LRP1B: variants seen among roughly 807,000 people sequenced by gnomAD.
The protein encoded by LRP1B is low-density lipoprotein receptor-related protein 1B.
A neutral mutation model predicts 556.6 loss-of-function variants in LRP1B; 217 were observed. The observed-to-expected ratio is 0.39, with a 90% confidence interval of 0.35 to 0.44. The LOEUF (loss-of-function observed/expected upper bound fraction) is 0.44, where lower values mean the gene tolerates loss of function less well. Ranked by LOEUF, LRP1B falls within the 20% of genes least tolerant of loss-of-function variation. The pLI, the probability that LRP1B is intolerant of heterozygous loss-of-function variation, is 1.00. For synonymous variants in LRP1B, 2,047 were observed against 1,865.8 expected, an observed-to-expected ratio of 1.10 and a Z score of -2.50; for missense variants, 5,053 against 5,620.8, an observed-to-expected ratio of 0.90 and a Z score of 3.23.
intron 7 of LRP1B, among the ~76,000 whole-genome samples, chr2:141,180,681 T>C (rs1680949526): frequency 6.6e-6 from 1 of 151,904 alleles, no homozygotes; most frequent in African/African-American, 2.4e-5. Context: ...TTATCAGTAT[T>C]TTATAAAATG....
At chr2:140,543,045 G>A (rs1468474390) in intron 43 of LRP1B, among the ~76,000 whole-genome samples, 1 of 152,144 alleles carries the variant, frequency 6.6e-6, no homozygotes, top group East Asian at 1.9e-4. Flanking sequence ...TGCCTTAGCA[G>A]TGGGGAACTA....
At chr2:141,537,830 T>C (rs540629944) in intron 2 of LRP1B, among the ~76,000 whole-genome samples, 4 of 152,064 alleles carry the variant, frequency 2.6e-5, no homozygotes, top group Admixed American at 6.6e-5. Flanking sequence ...GGGAGCGGGA[T>C]TGTGCTAATA....
chr2:140,394,598 A>G (rs1055666325), intron 66 of LRP1B, among the ~76,000 whole-genome samples: 2 of 152,156 alleles, frequency 1.3e-5, no homozygotes, highest in African/African-American at 4.8e-5. Flanking sequence ...GAAGTCCCAC[A>G]TAACATTCTG....
At chr2:141,412,388 G>A (rs538037791) in intron 3 of LRP1B, among the ~76,000 whole-genome samples, 69 of 152,216 alleles carry the variant, frequency 4.5e-4, no homozygotes, top group Non-Finnish European at 7.4e-4. Context: ...AGCCTTATGC[G>A]ATAATTTATT....
intron 18 of LRP1B, among the ~76,000 whole-genome samples, chr2:140,962,110 C>T (rs1242646776): frequency 6.6e-6 from 1 of 152,200 alleles, no homozygotes; most frequent in East Asian, 1.9e-4. Context: ...TGGGTATGCA[C>T]TGAACCTAGA....
rs2105197968 is a variant in LRP1B, at chr2:140,601,442, T to C, written c.6989+8A>G. On this transcript the variant is annotated splice_region_variant and intron_variant, in intron 42 of 90. Transcript: ENST00000389484. The stretch of plus-strand genomic sequence containing the variant: ...ATAATGAAGAAATAAAACTACACTG[T>C]TTCTTACTTTTGACATTCATCCAAG... 6.2e-7 allele frequency: 1 copy of C among 1,600,516 alleles called. No individual in the cohort carries two copies. The highest frequency in any genetic ancestry group is 2.2e-5 in the East Asian group (1 of 44,728).
chr2:140,376,148 C>T (rs988286361), intron 68 of LRP1B, among the ~76,000 whole-genome samples: 1 of 152,006 alleles, frequency 6.6e-6, no homozygotes, highest in African/African-American at 2.4e-5. Context: ...AATTTCATTT[C>T]TTCTGAGCCT....
rs72848538 is a variant in LRP1B, at chr2:140,921,553, G to A, written c.3319+1412C>T. On this transcript the variant is annotated intron_variant, in intron 21 of 90. Transcript: ENST00000389484. ...TAATTCATTCATTTTACAATAATTC[G>A]TCTGCTAATTTTCAATTAATACATG... Among the ~76,000 whole-genome samples, 140 of 151,786 alleles carry A rather than the reference G, an allele frequency of 9.2e-4. 1 individual carries two copies. The highest frequency in any genetic ancestry group is 5.0e-3 in the South Asian group (24 of 4,820).
At chr2:140,976,503 CTTTTT>C in intron 18 of LRP1B, among the ~76,000 whole-genome samples, 1 of 105,328 alleles carries the variant, frequency 9.5e-6, no homozygotes, top group African/African-American at 4.0e-5. Flanking sequence ...TTTTTTTTTC[CTTTTT>C]TTTTTTTTTT....
intron 2 of LRP1B, among the ~76,000 whole-genome samples, chr2:141,661,516 G>A (rs1690221011): frequency 1.3e-5 from 2 of 152,110 alleles, no homozygotes; most frequent in Admixed American, 1.3e-4. Context: ...AACACAACAC[G>A]AGAACTTCAC....
At chr2:141,946,371 G>T (rs1700954795) in intron 1 of LRP1B, among the ~76,000 whole-genome samples, 1 of 152,174 alleles carries the variant, frequency 6.6e-6, no homozygotes. Flanking sequence ...TAAGAAAAGT[G>T]CCTCTGTTGT....
At chr2:141,710,779 A>T (rs1692329467) in intron 2 of LRP1B, among the ~76,000 whole-genome samples, 1 of 152,198 alleles carries the variant, frequency 6.6e-6, no homozygotes, top group Non-Finnish European at 1.5e-5. Flanking sequence ...TTCACCTGAA[A>T]GTGACCTTTG....
chr2:141,140,008 C>CA (rs908625209), intron 7 of LRP1B, among the ~76,000 whole-genome samples: 30 of 148,212 alleles, frequency 2.0e-4, no homozygotes, highest in African/African-American at 4.9e-4. Context: ...TACTACTCAG[C>CA]AAAAAAAAAG....
intron 2 of LRP1B, among the ~76,000 whole-genome samples, chr2:141,554,231 T>C (rs1685875143): frequency 6.9e-6 from 1 of 145,826 alleles, no homozygotes; most frequent in Non-Finnish European, 1.5e-5. Context: ...ATATAGATTA[T>C]ATATATCTAT....
At chr2:141,343,403 G>C (rs577052456) in intron 3 of LRP1B, among the ~76,000 whole-genome samples, 18 of 152,230 alleles carry the variant, frequency 1.2e-4, no homozygotes, top group East Asian at 9.7e-4. Flanking sequence ...TCCTAAGTAT[G>C]AATCAAATTT....
At chr2:141,726,034 A>G (rs1693016638) in intron 2 of LRP1B, among the ~76,000 whole-genome samples, 1 of 151,708 alleles carries the variant, frequency 6.6e-6, no homozygotes, top group African/African-American at 2.4e-5. Flanking sequence ...AGATTCCTTT[A>G]AAATTTATTA....
chr2:141,492,091 A>ACAAAAAAAAAAC (rs1553521016), intron 2 of LRP1B, among the ~76,000 whole-genome samples: 1 of 100,194 alleles, frequency 1.0e-5, no homozygotes, highest in Non-Finnish European at 1.9e-5. Flanking sequence ...AAAAAAAAAA[A>ACAAAAAAAAAAC]CACTAAGAAA....
At chr2:141,434,753 A>AGTT (rs58115344) in intron 3 of LRP1B, among the ~76,000 whole-genome samples, 72,782 of 151,668 alleles carry the variant, frequency 0.48, 17,670 homozygotes, top group East Asian at 0.69. Flanking sequence ...TTGATAGGTC[A>AGTT]GTTGTTATTT....
intron 66 of LRP1B, among the ~76,000 whole-genome samples, chr2:140,435,472 G>A (rs1313814978): frequency 6.6e-6 from 1 of 152,052 alleles, no homozygotes; most frequent in Non-Finnish European, 1.5e-5. Context: ...TCTAATTAAA[G>A]CAAATACAGC....
Sources: allele counts gnomAD v4.1 joint callset (sites outside exome capture counted in the v4.1 genomes callset), GRCh38; gene constraint gnomAD v4.1.1; transcripts MANE v1.5; gene names NCBI Gene and HGNC (gene_info 2026-07-23, HGNC 2026-07-21).